Variants in SLC38A9 observed in about 807,000 individuals in gnomAD.
SLC38A9 encodes neutral amino acid transporter 9.
In SLC38A9, 48 loss-of-function variants were observed where a neutral mutation model predicts 62.3. That is an observed-to-expected ratio of 0.77 (90% CI 0.61 to 0.98). SLC38A9 has a LOEUF of 0.98. SLC38A9 is among the 50% of genes least tolerant of loss of function. The pLI is 0.00. For synonymous variants in SLC38A9, 204 were observed against 227.7 expected (o/e 0.90, Z 0.94); for missense variants, 541 against 679.8 (o/e 0.80, Z 2.27).
At chr5:55,708,536 A>T (rs551035532) in intron 2 of SLC38A9, among the ~76,000 whole-genome samples, 1 of 152,366 alleles carries the variant, frequency 6.6e-6, no homozygotes, top group African/African-American at 2.4e-5. Flanking sequence ...TATAGAATCT[A>T]TGCCAAGATG....
At chr5:55,645,104 G>A (rs1348579106) in intron 12 of SLC38A9, among the ~76,000 whole-genome samples, 4 of 152,002 alleles carry the variant, frequency 2.6e-5, no homozygotes, top group African/African-American at 7.2e-5. Flanking sequence ...TCTGTTGACC[G>A]GGCTAGAGTG....
chr5:55,635,929 T>C (rs573975101), intron 12 of SLC38A9, among the ~76,000 whole-genome samples: 3 of 152,286 alleles, frequency 2.0e-5, no homozygotes, highest in African/African-American at 7.2e-5. Context: ...ACATAGTGGT[T>C]TAACATGACT....
In SLC38A9 at chr5:55,668,128, C is replaced by T. The variant is rs574208735; in HGVS notation, c.526+1100G>A. On this transcript the variant is annotated intron_variant, in intron 7 of 15. Coordinates refer to ENST00000396865, the MANE Select transcript of SLC38A9 (RefSeq NM_173514.4). ...TCCAGGCAGCAGTGAGCTGTGATAG[C>T]GCTGCTGCATTCCAGCCTGGGTGAC... Among the ~76,000 whole-genome samples, 16 of 152,178 alleles carry T rather than the reference C, an allele frequency of 1.1e-4. No individual in the cohort carries two copies. The South Asian group carries it at 1.9e-3, about 18-fold the overall frequency.
chr5:55,688,955 C>T (rs1284400178), intron 3 of SLC38A9, among the ~76,000 whole-genome samples: 1 of 150,650 alleles, frequency 6.6e-6, no homozygotes, highest in African/African-American at 2.4e-5. Context: ...AAACTAGAAG[C>T]CATTCTGTAT....
At chr5:55,656,456 G>T (rs928938934) in intron 9 of SLC38A9, among the ~76,000 whole-genome samples, 3 of 151,756 alleles carry the variant, frequency 2.0e-5, no homozygotes, top group African/African-American at 7.3e-5. Context: ...GGATACTGTA[G>T]ATAAAATTGT....
intron 3 of SLC38A9, among the ~76,000 whole-genome samples, chr5:55,682,993 G>A (rs1304870999): frequency 6.9e-6 from 1 of 144,278 alleles, no homozygotes; most frequent in East Asian, 2.3e-4. Context: ...GGGAGGGAGG[G>A]AGGGAAGAAA....
intron 10 of SLC38A9, among the ~76,000 whole-genome samples, chr5:55,651,246 ATC>A (rs1421850266): frequency 5.2e-4 from 59 of 114,114 alleles, no homozygotes; most frequent in African/African-American, 1.7e-3. Flanking sequence ...TCCTTTTGCC[ATC>A]TTTTTTTTTT....
At chr5:55,660,545 G>A (rs1561359141) in intron 8 of SLC38A9, among the ~76,000 whole-genome samples, 2 of 152,194 alleles carry the variant, frequency 1.3e-5, no homozygotes, top group Non-Finnish European at 2.9e-5. Context: ...GTGTATAGAT[G>A]TATGTATGTA....
intron 2 of SLC38A9, chr5:55,703,985 T>C (rs1318705473): frequency 6.6e-6 from 1 of 151,988 alleles, no homozygotes; most frequent in Non-Finnish European, 1.5e-5. Flanking sequence ...GGCAAGACCG[T>C]GTCTCTACAA....
intron 11 of SLC38A9, among the ~76,000 whole-genome samples, chr5:55,647,030 A>G (rs1411643803): frequency 1.3e-5 from 2 of 152,204 alleles, no homozygotes; most frequent in African/African-American, 2.4e-5. Context: ...GATTACAGAC[A>G]TGAGCCATTG....
chr5:55,635,586 A>G lies in SLC38A9; in HGVS notation c.1239T>C (p.Ala413=), dbSNP rs772835868. The G allele has an allele frequency of 8.7e-6, 14 of 1,613,810 alleles. No homozygotes were observed. Among genetic ancestry groups the G allele is most frequent in the Non-Finnish European group, 1.2e-5 (14 of 1,179,858 alleles). ...TYLYIGVLVF[A]SFPSPPLSKD... ...TGGATAATGGTGGTGAAGGAAATGA[A>G]GCAAAAACCAGGACTCCAATATAGA... The change falls in exon 13 of 16, where the codon GCT becomes GCC. Residue 413 remains alanine, a synonymous_variant. Transcript: ENST00000396865.
intron 2 of SLC38A9, among the ~76,000 whole-genome samples, chr5:55,699,236 CAG>C (rs1756327997): frequency 6.6e-6 from 1 of 152,164 alleles, no homozygotes; most frequent in Non-Finnish European, 1.5e-5. Context: ...GCCTGGGTGA[CAG>C]AGCTAGACTC....
intron 3 of SLC38A9, among the ~76,000 whole-genome samples, chr5:55,687,964 T>A (rs534634097): frequency 6.6e-6 from 1 of 152,312 alleles, no homozygotes; most frequent in Non-Finnish European, 1.5e-5. Context: ...CCCAAAGTGT[T>A]GGGATTACAG....
chr5:55,691,008 CAGAA>C (rs1238969571), intron 3 of SLC38A9, among the ~76,000 whole-genome samples: 5 of 152,074 alleles, frequency 3.3e-5, no homozygotes, highest in African/African-American at 9.7e-5. Context: ...ACAGGTAAAA[CAGAA>C]AGACCAATTT....
chr5:55,698,081 A>G, intron 2 of SLC38A9, 89 bp from the exon 3 acceptor site: 2 of 568,614 alleles, frequency 3.5e-6, no homozygotes, highest in South Asian at 5.1e-5. Flanking sequence ...AAATTGGAAA[A>G]ATACTGGAAT....
At chr5:55,635,380 A>G (rs549277518) in intron 13 of SLC38A9, 164 bp downstream of exon 13, 5 of 663,096 alleles carry the variant, frequency 7.5e-6, no homozygotes, top group South Asian at 5.1e-5. Context: ...TAAAGCTCAG[A>G]AAGAAAAGGG....
chr5:55,640,206 A>G (rs1745221824), intron 12 of SLC38A9, among the ~76,000 whole-genome samples: 1 of 152,010 alleles, frequency 6.6e-6, no homozygotes, highest in Non-Finnish European at 1.5e-5. Flanking sequence ...GGCTGGTCTC[A>G]AACTCCTGAC....
At chr5:55,693,788 T>C (rs2150559464) in intron 3 of SLC38A9, among the ~76,000 whole-genome samples, 1 of 152,244 alleles carries the variant, frequency 6.6e-6, no homozygotes. Context: ...GAGCCAGGCG[T>C]GGTGACTCAC....
intron 3 of SLC38A9, among the ~76,000 whole-genome samples, chr5:55,682,418 G>A (rs1376421158): frequency 6.6e-6 from 1 of 152,142 alleles, no homozygotes; most frequent in Admixed American, 6.5e-5. Flanking sequence ...ACTCACAGGA[G>A]TATGCCACAG....
Sources: gnomAD v4.1 joint callset for allele counts (sites outside exome capture counted in the v4.1 genomes callset) on GRCh38, gnomAD v4.1.1 for gene constraint, MANE v1.5 for transcripts, NCBI Gene and HGNC (gene_info 2026-07-23, HGNC 2026-07-21) for gene names.